The following CR1L variants were observed in gnomAD, a reference collection of about 807,000 sequenced individuals.
The protein encoded by CR1L is complement component receptor 1-like protein.
A neutral mutation model predicts 62.3 loss-of-function variants in CR1L; 59 were observed. The observed-to-expected ratio is 0.95, with a 90% confidence interval of 0.77 to 1.18. The LOEUF (loss-of-function observed/expected upper bound fraction) is 1.18, where lower values mean the gene tolerates loss of function less well. Among genes scored for constraint, CR1L ranks in the 50% most tolerant of loss-of-function variants. CR1L has a pLI of 0.00. For missense variants in CR1L, 700 were observed against 702.8 expected (o/e 1.00, Z 0.04); for synonymous variants, 279 against 248.7 (o/e 1.12, Z -1.15).
chr1:207,710,660 T>A, intron 10 of CR1L: 1 of 1,610,056 alleles, frequency 6.2e-7, no homozygotes. Flanking sequence ...CAGAAGCTTA[T>A]TTTCCTTAAA....
intron 10 of CR1L, among the ~76,000 whole-genome samples, chr1:207,713,603 C>T (rs1467397887): frequency 6.6e-6 from 1 of 152,242 alleles, no homozygotes. Context: ...CATGCTCAGC[C>T]TCTGGGAGGG....
rs184895399 is a variant in CR1L, at chr1:207,670,012, A to G, written c.98-7377A>G. 3.2e-4 allele frequency among the ~76,000 whole-genome samples: 49 copies of G among 151,148 alleles called. 4 individuals carry two copies. Among genetic ancestry groups the G allele is most frequent in the African/African-American group, 1.2e-3 (47 of 40,454 alleles). On this transcript the variant is annotated intron_variant, in intron 1 of 11. Transcript: ENST00000508064. Reference sequence around the variant, plus strand: ...CTAAGTCTGTTTGCTCTTCTGTAAAATGGGGACACTGGTATCTCTGCATTG... The same window carrying G: ...CTAAGTCTGTTTGCTCTTCTGTAAAGTGGGGACACTGGTATCTCTGCATTG...
chr1:207,692,162 C>A lies in CR1L; in HGVS notation c.464-2191C>A, dbSNP rs12082175. Reference sequence around the variant, plus strand: ...TTATAATTCGCAGTTTACAGAGAAACCTTTAGGCTGAGCTTAAACTATGTA... The same window carrying A: ...TTATAATTCGCAGTTTACAGAGAAAACTTTAGGCTGAGCTTAAACTATGTA... On this transcript the variant is annotated intron_variant, in intron 4 of 11. Transcript: ENST00000508064. 1.8e-3 allele frequency among the ~76,000 whole-genome samples: 281 copies of A among 152,292 alleles called. 2 individuals are homozygous for A. The highest frequency in any genetic ancestry group is 6.4e-3 in the African/African-American group (268 of 41,554).
At chr1:207,672,075 C>A (rs1663623076) in intron 1 of CR1L, among the ~76,000 whole-genome samples, 1 of 150,820 alleles carries the variant, frequency 6.6e-6, no homozygotes, top group Non-Finnish European at 1.5e-5. Flanking sequence ...TCTAAAGGCA[C>A]CAATTGAAAC....
intron 1 of CR1L, among the ~76,000 whole-genome samples, chr1:207,662,884 A>C (rs1423576254): frequency 2.0e-5 from 3 of 152,180 alleles, no homozygotes; most frequent in African/African-American, 7.2e-5. Flanking sequence ...CCTCAGCTGC[A>C]GGTCTGTTGG....
At chr1:207,669,695 C>A in intron 1 of CR1L, 1 of 579,748 alleles carries the variant, frequency 1.7e-6, no homozygotes, top group Admixed American at 3.3e-5. Flanking sequence ...GATGGGTGGG[C>A]TGAGCGCGCT....
In CR1L at chr1:207,697,699, G is replaced by A. The variant is rs1664126298; in HGVS notation, c.1039+20G>A. 5 of 1,613,956 alleles carry A rather than the reference G, an allele frequency of 3.1e-6. No individual in the cohort carries two copies. Among genetic ancestry groups the A allele is most frequent in the Middle Eastern group, 1.6e-4 (1 of 6,062 alleles). ...GTGAAGGTGACTAGACTCTTATCTG[G>A]CTTGGTATTTTTAGCTTGCGTCTTT... On this transcript the variant is annotated intron_variant, in intron 6 of 11. Transcript: ENST00000508064.
Position 207,671,543 on chromosome 1 carries a change from A to G in CR1L, c.98-5846A>G, listed in dbSNP as rs548308517. The stretch of plus-strand genomic sequence containing the variant: ...AGCTGCAAATAGATATTGCAAACTT[A>G]GGGCAACTACTGAAAAAAGTGAAAA... On this transcript the variant is annotated intron_variant, in intron 1 of 11. Transcript: ENST00000508064. Among the ~76,000 whole-genome samples, 2 of 151,158 alleles carry G rather than the reference A, an allele frequency of 1.3e-5. 1 individual carries two copies. Among genetic ancestry groups the G allele is most frequent in the Admixed American group, 1.3e-4 (2 of 15,274 alleles).
chr1:207,688,078 GC>G (rs1663939120), intron 4 of CR1L, among the ~76,000 whole-genome samples: 1 of 152,218 alleles, frequency 6.6e-6, no homozygotes, highest in African/African-American at 2.4e-5. Context: ...TTCGAGACCA[GC>G]CTGGGCAACA....
chr1:207,697,457 A>C, intron 5 of CR1L, 46 bp from the exon 6 acceptor site: 1 of 1,613,152 alleles, frequency 6.2e-7, no homozygotes. Flanking sequence ...AGTGAGAGAA[A>C]AGTTATTTTC....
At chr1:207,652,847 G>A (rs1487888156) in intron 1 of CR1L, 3 of 445,320 alleles carry the variant, frequency 6.7e-6, no homozygotes, top group South Asian at 6.0e-5. Context: ...TGTGAAATGA[G>A]GTTTAAGATA....
intron 3 of CR1L, 119 bp downstream of exon 3, chr1:207,678,416 CTTCAACACAGG>C (rs1277774431): frequency 8.5e-6 from 7 of 820,104 alleles, no homozygotes; most frequent in Non-Finnish European, 1.2e-5. Flanking sequence ...TCTTTAAAGG[CTTCAACACAGG>C]TGCTTAGCTC....
intron 1 of CR1L, among the ~76,000 whole-genome samples, chr1:207,671,527 T>C (rs1276940000): frequency 6.6e-6 from 1 of 150,840 alleles, no homozygotes; most frequent in Non-Finnish European, 1.5e-5. Flanking sequence ...TAGCTGCAAA[T>C]AGATATTGCA....
chr1:207,661,985 C>A (rs1444135387), intron 1 of CR1L, among the ~76,000 whole-genome samples: 2 of 152,218 alleles, frequency 1.3e-5, no homozygotes, highest in African/African-American at 4.8e-5. Flanking sequence ...TCACTCTCTT[C>A]TGGCTTGTAG....
intron 9 of CR1L, among the ~76,000 whole-genome samples, chr1:207,704,235 G>A (rs1360214784): frequency 6.6e-6 from 1 of 152,210 alleles, no homozygotes; most frequent in Non-Finnish European, 1.5e-5. Context: ...GACAGAAGTA[G>A]CAAGAACACT....
At chr1:207,683,006 TTC>T (rs1335082052) in intron 3 of CR1L, among the ~76,000 whole-genome samples, 2 of 122,484 alleles carry the variant, frequency 1.6e-5, no homozygotes, top group South Asian at 3.1e-4. Context: ...CTTTCTTTCT[TTC>T]TTTTTCTTTC....
intron 11 of CR1L, among the ~76,000 whole-genome samples, chr1:207,720,606 T>G (rs1654113457): frequency 6.6e-6 from 1 of 152,178 alleles, no homozygotes; most frequent in Non-Finnish European, 1.5e-5. Flanking sequence ...GAGGCCTGAT[T>G]CATTTCAAAA....
chr1:207,667,486 A>G (rs1025550022), intron 1 of CR1L, among the ~76,000 whole-genome samples: 4 of 152,162 alleles, frequency 2.6e-5, no homozygotes, highest in Non-Finnish European at 5.9e-5. Flanking sequence ...TATCAGGTTC[A>G]CCTAGCTACT....
chr1:207,676,546 C>A (rs560801117), intron 1 of CR1L, among the ~76,000 whole-genome samples: 5 of 152,268 alleles, frequency 3.3e-5, no homozygotes, highest in African/African-American at 1.2e-4. Flanking sequence ...ATCTCAAAAC[C>A]ATTTCCCTGC....
Sources: gnomAD v4.1 joint callset for allele counts (sites outside exome capture counted in the v4.1 genomes callset) on GRCh38, gnomAD v4.1.1 for gene constraint, MANE v1.5 for transcripts, NCBI Gene and HGNC (gene_info 2026-07-23, HGNC 2026-07-21) for gene names.